QRICH2: variants seen among roughly 807,000 people sequenced by gnomAD.
The protein encoded by QRICH2 is glutamine-rich protein 2.
A neutral mutation model predicts 168.3 loss-of-function variants in QRICH2; 119 were observed. The observed-to-expected ratio is 0.71, with a 90% CI of 0.61 to 0.82. The LOEUF is 0.82. QRICH2 is among the 40% of genes least tolerant of loss of function. The pLI, the probability that QRICH2 is intolerant of heterozygous loss-of-function variation, is 0.00. For synonymous variants in QRICH2, 894 were observed against 951.2 expected (o/e 0.94, Z 1.11); for missense variants, 2,241 against 2,491.6 (o/e 0.90, Z 2.14).
At chr17:76,298,597 C>T (rs544359124) in intron 3 of QRICH2, among the ~76,000 whole-genome samples, 100 of 152,112 alleles carry the variant, frequency 6.6e-4, no homozygotes, top group African/African-American at 2.4e-3. Flanking sequence ...GAATTAAAGG[C>T]GTGAGCAACC....
chr17:76,283,539 ACAC>A (rs1173566952), intron 7 of QRICH2, among the ~76,000 whole-genome samples: 2 of 152,234 alleles, frequency 1.3e-5, no homozygotes, highest in East Asian at 3.8e-4. Flanking sequence ...GACATGGGGC[ACAC>A]CACAGTTCCA....
intron 1 of QRICH2, among the ~76,000 whole-genome samples, chr17:76,305,489 C>G (rs1444284825): frequency 6.6e-6 from 1 of 152,130 alleles, no homozygotes; most frequent in Non-Finnish European, 1.5e-5. Flanking sequence ...GCCAGTCAGC[C>G]CAGGCTCCTG....
rs369478028 is a variant in QRICH2 at position 76,291,836 on chromosome 17, G to A, written c.2891C>T (p.Pro964Leu). Residue 964 changes from proline (P) to leucine (L), a missense_variant, in exon 4 of 19, where the codon CCA becomes CTA. By Grantham distance (98) the Pro-to-Leu change is moderately conservative. Transcript: ENST00000680821. ...TCTCAAACCATACTGATCCATTCCT[G>A]GCTGCACCAGACCACGTGGATATGT... ...SGTYPRGLVQPGMDQYGLRQP... is the reference protein window; with the variant it reads ...SGTYPRGLVQLGMDQYGLRQP... 1 of 1,614,162 alleles carries A rather than the reference G, an allele frequency of 6.2e-7. No homozygotes were observed. The highest frequency in any genetic ancestry group is 1.1e-5 in the South Asian group (1 of 91,082).
At chr17:76,279,330 G>T (rs558938026) in intron 13 of QRICH2, 33 bp downstream of exon 13, 2 of 1,587,568 alleles carry the variant, frequency 1.3e-6, no homozygotes, top group Non-Finnish European at 1.7e-6. Flanking sequence ...GCCCTGCCAT[G>T]CGAGGCCACG....
chr17:76,292,713 G>A lies in QRICH2; in HGVS notation c.2014C>T (p.Gln672Ter). 1 of 1,608,958 alleles carries A rather than the reference G, an allele frequency of 6.2e-7. No individual in the cohort carries two copies. Among genetic ancestry groups the A allele is most frequent in the Non-Finnish European group, 8.5e-7 (1 of 1,178,166 alleles). Residue 672 changes from glutamine to a stop codon, truncating the protein, a stop_gained, in exon 4 of 19, where the codon CAA (glutamine) becomes TAA (stop). Transcript: ENST00000680821. LOFTEE classifies it high-confidence loss of function. ...AAAGCACGCTGAAATCTGCCAGGTT[G>A]GACCATGCCAGGCTGATCTACACCA... Reference protein sequence around the residue: ...QPGVDQPGMVQPGRFQRALVQ... With the variant: ...QPGVDQPGMV
chr17:76,305,314 C>T (rs901720733), intron 1 of QRICH2, among the ~76,000 whole-genome samples: 1 of 152,060 alleles, frequency 6.6e-6, no homozygotes, highest in Non-Finnish European at 1.5e-5. Context: ...CAGGCATGCA[C>T]CACCACATCC....
chr17:76,287,604 C>T (rs1468630848), intron 6 of QRICH2, among the ~76,000 whole-genome samples, 196 bp downstream of exon 6: 1 of 152,254 alleles, frequency 6.6e-6, no homozygotes, highest in African/African-American at 2.4e-5. Flanking sequence ...AAGACCTGGT[C>T]CTGAGTTGCT....
chr17:76,301,644 C>CACAT (rs1336503904), intron 3 of QRICH2: 6 of 153,442 alleles, frequency 3.9e-5, no homozygotes, highest in Admixed American at 3.3e-4. Context: ...CCGACACCCA[C>CACAT]ACATACATTT....
intron 3 of QRICH2, chr17:76,301,650 C>T (rs1434488742): frequency 6.5e-6 from 1 of 153,254 alleles, no homozygotes; most frequent in Non-Finnish European, 1.5e-5. Context: ...CCCACACATA[C>T]ATTTTAACAT....
intron 3 of QRICH2, chr17:76,301,513 A>G: frequency 9.7e-6 from 2 of 205,486 alleles, no homozygotes; most frequent in African/African-American, 2.4e-5. Context: ...GGTTGCAGTG[A>G]GCCGAGATCA....
At chr17:76,300,168 T>A (rs1174732815) in intron 3 of QRICH2, among the ~76,000 whole-genome samples, 1 of 152,074 alleles carries the variant, frequency 6.6e-6, no homozygotes, top group Non-Finnish European at 1.5e-5. Flanking sequence ...ATCGTACTGT[T>A]TTTACCGAGC....
intron 15 of QRICH2, 55 bp from the exon 16 acceptor site, chr17:76,277,365 G>A (rs1371610890): frequency 8.9e-6 from 14 of 1,581,494 alleles, no homozygotes; most frequent in Non-Finnish European, 1.2e-5. Flanking sequence ...GATGTCACCT[G>A]GGACTCACCC....
At position 76,291,472 on chromosome 17, in the gene QRICH2, C is replaced by G; in HGVS notation, c.3255G>C (p.Glu1085Asp). 6.2e-7 allele frequency: 1 copy of G among 1,614,130 alleles called. No homozygotes were observed. The highest frequency in any genetic ancestry group is 8.5e-7 in the Non-Finnish European group (1 of 1,180,018). The change falls in exon 4 of 19, where the codon GAG becomes GAC. Residue 1085 changes from glutamate to aspartate, a missense_variant. Around this residue, in one of 3 missense-constraint regions of QRICH2, gnomAD observed 2,047 missense variants for 2,303.8 expected, o/e 0.89. Transcript: ENST00000680821. Reference protein sequence around the residue: ...QQHVASPGPGEHDQVYPDAAQ... With the variant: ...QQHVASPGPGDHDQVYPDAAQ... ...CTGCATCTGGGTATACCTGGTCATG[C>G]TCACCTGGGCCAGGTGATGCCACAT...
At chr17:76,286,827 ATGGCGACAC>A (rs1009099144) in intron 7 of QRICH2, among the ~76,000 whole-genome samples, 1 of 147,416 alleles carries the variant, frequency 6.8e-6, no homozygotes, top group Non-Finnish European at 1.5e-5. Context: ...GTGAGCCAAG[ATGGCGACAC>A]TGCACTACAG....
rs1464469011 is a variant in QRICH2, at chr17:76,280,713, G to A, written c.4402C>T (p.Leu1468=). The change falls in exon 10 of 19, where the codon CTG becomes TTG. Residue 1468 remains leucine (L), a synonymous_variant. Coordinates refer to ENST00000680821, the MANE Select transcript of QRICH2 (RefSeq NM_001388453.1). The surrounding 1 kb of genome is among the most constrained non-coding windows in gnomAD (Gnocchi z 7.4). ...GCCTTTTCCTTTTCGAGCTTCTCCAGACCCTGGTACAGCATCTGGGGAGGC... is the reference window on the plus strand; with the variant it reads ...GCCTTTTCCTTTTCGAGCTTCTCCAAACCCTGGTACAGCATCTGGGGAGGC... ...QKDIAMLYQG[L]EKLEKEKANR... The A allele has an allele frequency of 1.9e-6, 3 of 1,614,166 alleles. No homozygotes were observed. The highest frequency in any genetic ancestry group is 1.7e-5 in the Admixed American group (1 of 60,018).
rs140269579 is a variant in QRICH2, at chr17:76,277,201, C to G, written c.5227G>C (p.Gly1743Arg). 2.1e-4 allele frequency: 340 copies of G among 1,602,874 alleles called. 2 individuals carry two copies. Among genetic ancestry groups the G allele is most frequent in the Middle Eastern group, 1.5e-3 (9 of 6,000 alleles). Residue 1743 changes from glycine to arginine, a missense_variant, in exon 16 of 19, where the codon GGC becomes CGC. Physicochemically the swap from Gly to Arg is moderately radical, Grantham distance 125. Around this residue, in one of 3 missense-constraint regions of QRICH2, gnomAD observed 2,047 missense variants for 2,303.8 expected, o/e 0.89. Transcript: ENST00000680821. ...TGGATCTCTTCAGTAGGATACAGGC[C>G]CCGGGGAAGGTGCTGCGGGCGGCTG... Reference protein sequence around the residue: ...HRSRPQHLPRGLYPTEEIQIA... With the variant: ...HRSRPQHLPRRLYPTEEIQIA...
In QRICH2 at chr17:76,280,531, A is replaced by T. The variant is rs1568107194; in HGVS notation, c.4462-80T>A. 7 of 1,592,536 alleles carry T rather than the reference A, an allele frequency of 4.4e-6. No homozygotes were observed. In the East Asian group the frequency reaches 1.6e-4, roughly 36 times the overall value. On this transcript the variant is annotated intron_variant, in intron 10 of 18. Transcript: ENST00000680821. The surrounding 1 kb of genome is among the most constrained non-coding windows in gnomAD (Gnocchi z 7.4). ...CCATTCCCTGGGGGTGTCGACCCCTATCACCAGGCAGGTTTCTGAGAGCCC... is the reference window on the plus strand; with the variant it reads ...CCATTCCCTGGGGGTGTCGACCCCTTTCACCAGGCAGGTTTCTGAGAGCCC...
chr17:76,287,427 C>G (rs578236490), intron 6 of QRICH2, 121 bp from the exon 7 acceptor site: 184 of 730,992 alleles, frequency 2.5e-4, no homozygotes, highest in Non-Finnish European at 3.9e-4. Flanking sequence ...CTCCACCCCC[C>G]TCCAATGGAT....
chr17:76,299,445 T>C (rs1055198186), intron 3 of QRICH2, among the ~76,000 whole-genome samples: 13 of 152,130 alleles, frequency 8.5e-5, no homozygotes, highest in Non-Finnish European at 2.9e-5. Flanking sequence ...CAGAAAGATG[T>C]TGCAAGAGGG....
Sources: gnomAD v4.1 joint callset for allele counts (sites outside exome capture counted in the v4.1 genomes callset) on GRCh38, gnomAD v4.1.1 for gene constraint, gnomAD v4.1.1 regional missense constraint, Gnocchi (gnomAD v3.1) non-coding constraint, MANE v1.5 for transcripts, NCBI Gene and HGNC (gene_info 2026-07-23, HGNC 2026-07-21) for gene names.